Variants in KCTD1 observed in about 807,000 individuals in gnomAD.
The protein encoded by KCTD1 is potassium channel tetramerization domain containing 1.
A neutral mutation model predicts 66.0 loss-of-function variants in KCTD1; 24 were observed. That is an observed-to-expected ratio of 0.36 (90% CI 0.26 to 0.51). The LOEUF (loss-of-function observed/expected upper bound fraction) is 0.51, where lower values mean the gene tolerates loss of function less well. KCTD1 is among the 20% of genes least tolerant of loss of function. The pLI, the probability that KCTD1 is intolerant of heterozygous loss-of-function variation, is 0.95. For missense variants in KCTD1, 943 were observed against 1,205.2 expected, an observed-to-expected ratio of 0.78 and a Z score of 3.22; for synonymous variants, 511 against 517.2, an observed-to-expected ratio of 0.99 and a Z score of 0.16.
At chr18:26,616,221 C>T (rs1230346113) in intron 1 of KCTD1, among the ~76,000 whole-genome samples, 1 of 150,120 alleles carries the variant, frequency 6.7e-6, no homozygotes, top group African/African-American at 2.5e-5. Flanking sequence ...CAGTACATGG[C>T]TCATCATCAT....
intron 2 of KCTD1, among the ~76,000 whole-genome samples, chr18:26,490,721 G>A (rs1483264352): frequency 6.6e-6 from 1 of 151,908 alleles, no homozygotes; most frequent in African/African-American, 2.4e-5. Context: ...TGGCGGATCT[G>A]TTATTTGTTT....
intron 1 of KCTD1, among the ~76,000 whole-genome samples, chr18:26,505,011 T>A (rs1982958938): frequency 6.6e-6 from 1 of 152,232 alleles, no homozygotes; most frequent in Non-Finnish European, 1.5e-5. Context: ...ACACACTGCA[T>A]CAGCCATCTC....
At chr18:26,616,462 C>CAT (rs10639008) in intron 1 of KCTD1, among the ~76,000 whole-genome samples, 54,855 of 147,346 alleles carry the variant, frequency 0.37, 10,464 homozygotes, top group East Asian at 0.51. Flanking sequence ...CCCTTACATA[C>CAT]ATATATATAT....
At chr18:26,564,296 C>T in intron 1 of KCTD1, among the ~76,000 whole-genome samples, 1 of 152,196 alleles carries the variant, frequency 6.6e-6, no homozygotes, top group East Asian at 1.9e-4. Flanking sequence ...CAGTCAAATT[C>T]TGATTAACAC....
intron 1 of KCTD1, chr18:26,544,705 T>C (rs534338212): frequency 1.3e-5 from 2 of 152,328 alleles, no homozygotes; most frequent in African/African-American, 4.8e-5. Context: ...CTTACAGTGA[T>C]TTTAATATAC....
chr18:26,605,156 C>T (rs188247597), intron 1 of KCTD1, among the ~76,000 whole-genome samples: 112 of 152,272 alleles, frequency 7.4e-4, no homozygotes, highest in Non-Finnish European at 1.4e-3. Context: ...ACATCTGTTC[C>T]GTTTCATTGA....
chr18:26,651,799 AAAG>A (rs10530531), intron 1 of KCTD1, among the ~76,000 whole-genome samples: 36,669 of 115,250 alleles, frequency 0.32, 6,149 homozygotes, highest in Non-Finnish European at 0.4. Flanking sequence ...AAAAAAAAAA[AAAG>A]AAGAAGAAGA....
At chr18:26,604,146 C>A (rs974489838) in intron 1 of KCTD1, among the ~76,000 whole-genome samples, 1 of 152,118 alleles carries the variant, frequency 6.6e-6, no homozygotes, top group Non-Finnish European at 1.5e-5. Context: ...ATGTGGCCAA[C>A]AAGTATATGA....
intron 3 of KCTD1, among the ~76,000 whole-genome samples, chr18:26,465,368 G>A (rs151083570): frequency 9.2e-5 from 14 of 152,324 alleles, no homozygotes; most frequent in African/African-American, 3.1e-4. Flanking sequence ...ACAGGTGTCA[G>A]CCACCGTGCC....
At chr18:26,490,355 CA>C (rs1295897358) in intron 2 of KCTD1, among the ~76,000 whole-genome samples, 1 of 152,166 alleles carries the variant, frequency 6.6e-6, no homozygotes, top group East Asian at 1.9e-4. Flanking sequence ...GACCCTGACA[CA>C]GGGGGATTAG....
intron 1 of KCTD1, among the ~76,000 whole-genome samples, chr18:26,627,056 C>T (rs974237467): frequency 2.6e-5 from 4 of 152,194 alleles, no homozygotes; most frequent in African/African-American, 9.7e-5. Flanking sequence ...TATGCCCCAC[C>T]TCCTTCTTGA....
intron 1 of KCTD1, among the ~76,000 whole-genome samples, chr18:26,509,010 A>T (rs1983196505): frequency 2.0e-5 from 3 of 152,216 alleles, no homozygotes; most frequent in Admixed American, 2.0e-4. Context: ...GTGTTTTGAA[A>T]GAGGCCTCAC....
In KCTD1 at chr18:26,533,719, G is replaced by A. The variant is rs144297307; in HGVS notation, c.1809+13009C>T. 1.4e-4 allele frequency among the ~76,000 whole-genome samples: 21 copies of A among 151,110 alleles called. No individual in the cohort carries two copies. The East Asian group carries it at 3.1e-3, about 22-fold the overall frequency. On this transcript the variant is annotated intron_variant, in intron 1 of 4. Transcript: ENST00000580059. ...TCACCATATTGCCCAGGCTGGTTTC[G>A]AACTCTTTGAGATCAAGTGATCTGC... is the stretch of plus-strand genomic sequence containing the variant.
chr18:26,639,426 T>A (rs1372012898), intron 1 of KCTD1, among the ~76,000 whole-genome samples: 1 of 152,034 alleles, frequency 6.6e-6, no homozygotes, highest in Non-Finnish European at 1.5e-5. Flanking sequence ...TGAACCTTTT[T>A]AAGCAAGGAT....
rs181122751 is a variant in KCTD1, at chr18:26,607,378, T to C, written c.-16+21769A>G. Among the ~76,000 whole-genome samples, 578 of 152,312 alleles carry C rather than the reference T, an allele frequency of 3.8e-3. 15 individuals are homozygous for C. Among genetic ancestry groups the C allele is most frequent in the Admixed American group, 0.034 (526 of 15,286 alleles). On this transcript the variant is annotated intron_variant, in intron 1 of 4. Transcript: ENST00000317932. Reference sequence around the variant, plus strand: ...CACCTCTATTATAGCATGTAACATATAGATACTTGTTCACACAGCCATTTC... The same window carrying C: ...CACCTCTATTATAGCATGTAACATACAGATACTTGTTCACACAGCCATTTC...
chr18:26,498,658 G>T (rs1982602064), intron 2 of KCTD1, among the ~76,000 whole-genome samples: 1 of 151,630 alleles, frequency 6.6e-6, no homozygotes, highest in Non-Finnish European at 1.5e-5. Context: ...ATTTGGATTG[G>T]CCTATTTAAA....
intron 1 of KCTD1, among the ~76,000 whole-genome samples, chr18:26,622,641 G>A (rs535255804): frequency 4.6e-5 from 7 of 152,234 alleles, no homozygotes; most frequent in East Asian, 3.9e-4. Flanking sequence ...CAAAAATAAC[G>A]TGAATATGCA....
At position 26,468,011 on chromosome 18, in the gene KCTD1, C is replaced by CAGAGAGAGAG. The variant is rs370555675; in HGVS notation, c.2134-8096_2134-8087dup. On this transcript the variant is annotated intron_variant, in intron 3 of 4. Transcript: ENST00000580059. The surrounding 1 kb of genome is among the most constrained non-coding windows in gnomAD (Gnocchi z 4.8). Reference sequence around the variant, plus strand: ...AGATGATGTTAAAGATAAAAGGCTACAGAGAGAGAGAGAGAGAGAAAGAGA... The same window carrying CAGAGAGAGAG: ...AGATGATGTTAAAGATAAAAGGCTACAGAGAGAGAGAGAGAGAGAGAGAGAGAGAAAGAGA... Among the ~76,000 whole-genome samples, 63 of 149,878 alleles carry CAGAGAGAGAG rather than the reference C, an allele frequency of 4.2e-4. No individual in the cohort carries two copies. The highest frequency in any genetic ancestry group is 6.0e-5 in the Non-Finnish European group (4 of 67,224).
chr18:26,508,192 T>C (rs910837808), intron 1 of KCTD1, among the ~76,000 whole-genome samples: 3 of 152,214 alleles, frequency 2.0e-5, no homozygotes, highest in Admixed American at 6.5e-5. Flanking sequence ...TTCCCATATC[T>C]GTCCTGTATA....
Sources: gnomAD v4.1 joint callset for allele counts (sites outside exome capture counted in the v4.1 genomes callset) on GRCh38, gnomAD v4.1.1 for gene constraint, Gnocchi (gnomAD v3.1) non-coding constraint, MANE v1.5 for transcripts, NCBI Gene and HGNC (gene_info 2026-07-23, HGNC 2026-07-21) for gene names.